MUC3A: variants seen among roughly 807,000 people sequenced by gnomAD.
The protein encoded by MUC3A is mucin-3A.
Under a neutral mutation model 109.0 loss-of-function variants are expected in MUC3A, and 109 were observed. That is an observed-to-expected ratio of 1.00 (90% CI 0.86 to 1.17). The LOEUF (loss-of-function observed/expected upper bound fraction) is 1.17, where lower values mean the gene tolerates loss of function less well. MUC3A is among the 50% of genes most tolerant of loss of function. The pLI is 0.00. For missense variants in MUC3A, 3,537 were observed against 2,469.4 expected (o/e 1.43, Z -9.16); for synonymous variants, 1,398 against 981.4 (o/e 1.42, Z -7.93).
In MUC3A at chr7:100,966,475, G is replaced by A; in HGVS notation, c.9701G>A (p.Gly3234Asp). 1 of 1,326,642 alleles carries A rather than the reference G, an allele frequency of 7.5e-7. No individual in the cohort carries two copies. The highest frequency in any genetic ancestry group is 9.6e-7 in the Non-Finnish European group (1 of 1,047,014). The allele number at this position is 1,326,642 out of a possible 1,614,324, so 82.2% of individuals were successfully genotyped here. Residue 3234 changes from glycine to aspartate, a missense_variant, in exon 9 of 12, where the codon GGC becomes GAC. Physicochemically the swap from Gly to Asp is moderately conservative, Grantham distance 94. Transcript: ENST00000379458. ...WRALVGGLTAGAALLVLLLLA... is the reference protein window; with the variant it reads ...WRALVGGLTADAALLVLLLLA... ...GCGCTGGTCGGGGGCCTGACGGCCGGCGCCGCGCTGCTGGTGCTGCTGCTG... is the reference window on the plus strand; with the variant it reads ...GCGCTGGTCGGGGGCCTGACGGCCGACGCCGCGCTGCTGGTGCTGCTGCTG...
chr7:100,964,851 C>T lies in MUC3A; in HGVS notation c.9382+8C>T, dbSNP rs748115952. On this transcript the variant is annotated splice_region_variant and intron_variant, in intron 6 of 11. Transcript: ENST00000379458. ...GCTGCCAGGACTCCCAGAGTGAGCC[C>T]AGGCTGGAGGGAGGGGCCAGGGCCT... The T allele has an allele frequency of 1.8e-5, 29 of 1,595,728 alleles. No homozygotes were observed. The highest frequency in any genetic ancestry group is 3.3e-5 in the Admixed American group (2 of 59,822).
At position 100,951,905 on chromosome 7, in the gene MUC3A, T is replaced by A; in HGVS notation, c.126T>A (p.Ala42=). The A allele has an allele frequency of 6.3e-7, 1 of 1,598,618 alleles. No individual in the cohort carries two copies. The highest frequency in any genetic ancestry group is 1.1e-5 in the South Asian group (1 of 91,092). The change falls in exon 2 of 12, where the codon GCT becomes GCA. Residue 42 remains alanine, a synonymous_variant. Coordinates refer to ENST00000379458, the MANE Select transcript of MUC3A (RefSeq NM_005960.2). The stretch of plus-strand genomic sequence containing the variant: ...TCCCCAGAGCAGAAGCAGCCAGCGC[T>A]GTGCTCAGCAATTCTCCACACTCCA... ...VPFPRAEAAS[A]VLSNSPHSRD...
rs1202174025 is a variant in MUC3A, at chr7:100,967,388, C to T, written c.*226C>T. On this transcript the variant is annotated 3_prime_UTR_variant, in exon 12 of 12. Transcript: ENST00000379458. Reference sequence around the variant, plus strand: ...GGCTCTTCCACTGTGGAATCTTGGGCAAGTCAGTAACGAGCCTCAGTTTCC... The same window carrying T: ...GGCTCTTCCACTGTGGAATCTTGGGTAAGTCAGTAACGAGCCTCAGTTTCC... The T allele has an allele frequency of 7.3e-6, 5 of 681,246 alleles. No homozygotes were observed. Among genetic ancestry groups the T allele is most frequent in the Non-Finnish European group, 1.2e-5 (5 of 410,848 alleles). 42.2% of individuals were successfully genotyped at this position (681,246 alleles called of 1,614,324 possible). A position where few individuals can be genotyped will look rare whatever the true frequency, so the allele number is the denominator to read the frequency against.
Position 100,966,494 on chromosome 7 carries a change from G to T in MUC3A, c.9720G>T (p.Leu3240=). Residue 3240 remains leucine (L), a synonymous_variant, in exon 9 of 12, where the codon CTG becomes CTT. Transcript: ENST00000379458. Reference sequence around the variant, plus strand: ...CGGCCGGCGCCGCGCTGCTGGTGCTGCTGCTGCTGGCGCTGGGCGTCCGGG... The same window carrying T: ...CGGCCGGCGCCGCGCTGCTGGTGCTTCTGCTGCTGGCGCTGGGCGTCCGGG... ...GLTAGAALLV[L]LLLALGVRAV... 1 of 1,312,608 alleles carries T rather than the reference G, an allele frequency of 7.6e-7. No homozygotes were observed. The highest frequency in any genetic ancestry group is 9.6e-7 in the Non-Finnish European group (1 of 1,040,562). 81.3% of individuals were successfully genotyped at this position (1,312,608 alleles called of 1,614,324 possible).
chr7:100,959,524 C>T lies in MUC3A; in HGVS notation c.7745C>T (p.Pro2582Leu). 1.3e-6 allele frequency: 2 copies of T among 1,590,888 alleles called. No homozygotes were observed. Among genetic ancestry groups the T allele is most frequent in the Non-Finnish European group, 1.7e-6 (2 of 1,176,414 alleles). Residue 2582 changes from proline to leucine, a missense_variant, in exon 2 of 12, where the codon CCT becomes CTT. Coordinates refer to ENST00000379458, the MANE Select transcript of MUC3A (RefSeq NM_005960.2). ...CCTGAAACCCCAACACAGACCCCTCCTGTACTGACGTCAGCCACTGGGACC... is the reference window on the plus strand; with the variant it reads ...CCTGAAACCCCAACACAGACCCCTCTTGTACTGACGTCAGCCACTGGGACC... ...VIPETPTQTPPVLTSATGTQT... is the reference protein window; with the variant it reads ...VIPETPTQTPLVLTSATGTQT...
intron 7 of MUC3A, 65 bp from the exon 8 acceptor site, chr7:100,965,639 T>C: frequency 6.5e-7 from 1 of 1,548,698 alleles, no homozygotes. Flanking sequence ...GAGGCACCGT[T>C]ATCAGGCCCC....
At chr7:100,965,999 A>T in intron 8 of MUC3A, 133 bp downstream of exon 8, 1 of 1,382,256 alleles carries the variant, frequency 7.2e-7, no homozygotes, top group Non-Finnish European at 9.5e-7. Context: ...TGCCGCTCCA[A>T]GCCCATCCCC....
Position 100,960,012 on chromosome 7 carries a change from A to T in MUC3A, c.8233A>T (p.Ser2745Cys). Residue 2745 changes from serine (S) to cysteine (C), a missense_variant, in exon 2 of 12, where the codon AGC becomes TGC. Physicochemically the swap from Ser to Cys is moderately radical, Grantham distance 112. Coordinates refer to ENST00000379458, the MANE Select transcript of MUC3A (RefSeq NM_005960.2). Reference protein sequence around the residue: ...SSATTSTSSTSSSLTTALTEI... With the variant: ...SSATTSTSSTCSSLTTALTEI... ...TGCAACTACCAGCACTTCTTCAACCAGCTCCTCTCTGACCACAGCTCTCAC... is the reference window on the plus strand; with the variant it reads ...TGCAACTACCAGCACTTCTTCAACCTGCTCCTCTCTGACCACAGCTCTCAC... The T allele has an allele frequency of 6.6e-7, 1 of 1,507,524 alleles. No individual in the cohort carries two copies. The highest frequency in any genetic ancestry group is 8.8e-7 in the Non-Finnish European group (1 of 1,139,592). The allele number at this position is 1,507,524 out of a possible 1,614,324, so 93.4% of individuals were successfully genotyped here. A position where few individuals can be genotyped will look rare whatever the true frequency, so the allele number is the denominator to read the frequency against.
chr7:100,964,022 C>G, intron 5 of MUC3A: 2 of 600,992 alleles, frequency 3.3e-6, no homozygotes, highest in Admixed American at 5.9e-5. Context: ...GACTTTGTCC[C>G]CCTCTGGCTG....
In MUC3A at chr7:100,952,419, A is replaced by G. The variant is rs751395412; in HGVS notation, c.640A>G (p.Thr214Ala). 1.1e-4 allele frequency: 174 copies of G among 1,598,546 alleles called. No individual in the cohort carries two copies. The highest frequency in any genetic ancestry group is 1.2e-4 in the Non-Finnish European group (143 of 1,179,768). Residue 214 changes from threonine to alanine, a missense_variant, in exon 2 of 12, where the codon ACC (threonine) becomes GCC (alanine). Thr to Ala is a moderately conservative substitution (Grantham distance 58). Transcript: ENST00000379458. ...CTCCTCTGTGTCAGCCACAGACACA[A>G]CCTTCCACACTACAATCTCGTCTAC... is the stretch of plus-strand genomic sequence containing the variant. ...TPSSVSATDT[T>A]FHTTISSTTR... is the part of the protein sequence containing the mutation.
At chr7:100,962,813 C>CAGACA (rs1563073172) in intron 3 of MUC3A, among the ~76,000 whole-genome samples, 50 of 93,404 alleles carry the variant, frequency 5.4e-4, no homozygotes, top group African/African-American at 8.5e-4. Context: ...CTCTCTCTCT[C>CAGACA]TTTCTTTCTT....
At chr7:100,960,999 G>T in intron 3 of MUC3A, 62 bp downstream of exon 3, 1 of 1,596,282 alleles carries the variant, frequency 6.3e-7, no homozygotes, top group Admixed American at 1.7e-5. Flanking sequence ...ACTCTCCCCA[G>T]ACTTATCCCT....
At position 100,952,309 on chromosome 7, in the gene MUC3A, C is replaced by T; in HGVS notation, c.530C>T (p.Thr177Ile). The change falls in exon 2 of 12, where the codon ACC becomes ATC. Residue 177 changes from threonine to isoleucine, a missense_variant. By Grantham distance (89) the Thr-to-Ile change is moderately conservative. Coordinates refer to ENST00000379458, the MANE Select transcript of MUC3A (RefSeq NM_005960.2). ...VTTVTSTYSM[T>I]TTEKGTSAMT... ...ACCGTCACCAGTACTTACTCTATGA[C>T]CACTACTGAGAAAGGAACGTCAGCC... 3 of 1,598,532 alleles carry T rather than the reference C, an allele frequency of 1.9e-6. No homozygotes were observed. Among genetic ancestry groups the T allele is most frequent in the South Asian group, 1.1e-5 (1 of 91,092 alleles).
Position 100,960,600 on chromosome 7 carries a change from A to G in MUC3A, c.8821A>G (p.Ile2941Val), listed in dbSNP as rs1792292586. The change falls in exon 2 of 12, where the codon ATC (isoleucine) becomes GTC (valine). Residue 2941 changes from isoleucine (I) to valine (V), a missense_variant. Coordinates refer to ENST00000379458, the MANE Select transcript of MUC3A (RefSeq NM_005960.2). The part of the protein sequence containing the change: ...TTLTSRRTTR[I>V]TSQMTTQSTL... Reference sequence around the variant, plus strand: ...CCTTACATCACGCAGGACAACTCGCATCACTTCTCAGATGACCACACAGTC... The same window carrying G: ...CCTTACATCACGCAGGACAACTCGCGTCACTTCTCAGATGACCACACAGTC... The G allele has an allele frequency of 6.3e-7, 1 of 1,598,672 alleles. No homozygotes were observed. The highest frequency in any genetic ancestry group is 2.2e-5 in the East Asian group (1 of 44,892).
intron 2 of MUC3A, 36 bp downstream of exon 2, chr7:100,960,681 C>T (rs754496380): frequency 2.5e-6 from 4 of 1,592,368 alleles, no homozygotes; most frequent in East Asian, 2.2e-5. Context: ...CCTCCTTCCT[C>T]CCCTGCAAAA....
At chr7:100,964,585 C>G in intron 5 of MUC3A, 110 bp from the exon 6 acceptor site, 1 of 1,489,688 alleles carries the variant, frequency 6.7e-7, no homozygotes, top group Non-Finnish European at 8.9e-7. Flanking sequence ...CAACTCATGA[C>G]CTCTGCTCCC....
intron 6 of MUC3A, 175 bp from the exon 7 acceptor site, chr7:100,965,107 T>TAATG: frequency 2.8e-6 from 3 of 1,085,606 alleles, no homozygotes; most frequent in South Asian, 1.5e-5. Flanking sequence ...TCAGGGGAGA[T>TAATG]GAGGCAGGCA....
chr7:100,963,135 T>A lies in MUC3A; in HGVS notation c.9053-16T>A. On this transcript the variant is annotated splice_polypyrimidine_tract_variant and intron_variant, in intron 3 of 11. Transcript: ENST00000379458. ...GCAGACAGAGAAGTGACTGGGGACA[T>A]GCATGCTCTGTGTAGATGTAGTGGA... is the stretch of plus-strand genomic sequence containing the variant. 2.5e-6 allele frequency: 4 copies of A among 1,596,948 alleles called. No homozygotes were observed. Among genetic ancestry groups the A allele is most frequent in the Non-Finnish European group, 3.4e-6 (4 of 1,179,174 alleles).
In MUC3A at chr7:100,952,183, T is replaced by C; in HGVS notation, c.404T>C (p.Ile135Thr). The C allele has an allele frequency of 6.3e-7, 1 of 1,598,528 alleles. No homozygotes were observed. Among genetic ancestry groups the C allele is most frequent in the Non-Finnish European group, 8.5e-7 (1 of 1,179,760 alleles). ...GAGTGCGTGTATCCAACGAGCTTTA[T>C]AATCACCATCTCCCACCCCACCTCC... ...TTECVYPTSF[I>T]ITISHPTSIC... is the part of the protein sequence containing the mutation. Residue 135 changes from isoleucine (I) to threonine (T), a missense_variant, in exon 2 of 12, where the codon ATA becomes ACA. By Grantham distance (89) the Ile-to-Thr change is moderately conservative. Transcript: ENST00000379458.
Sources: allele counts gnomAD v4.1 joint callset (sites outside exome capture counted in the v4.1 genomes callset), GRCh38; gene constraint gnomAD v4.1.1; transcripts MANE v1.5; gene names NCBI Gene and HGNC (gene_info 2026-07-23, HGNC 2026-07-21).